PRKCE: variants seen among roughly 807,000 people sequenced by gnomAD.
The protein encoded by PRKCE is protein kinase C epsilon.
PRKCE carries 16 observed loss-of-function variants against 85.4 expected under a neutral mutation model. The ratio of observed to expected loss-of-function variants is 0.19; its 90% CI spans 0.13 to 0.28. The LOEUF is 0.28. Among genes scored for constraint, PRKCE ranks in the 10% least tolerant of loss-of-function variants. PRKCE has a pLI of 1.00. For synonymous variants in PRKCE, 388 were observed against 371.5 expected, an observed-to-expected ratio of 1.04 and a Z score of -0.51; for missense variants, 573 against 975.2, an observed-to-expected ratio of 0.59 and a Z score of 5.49.
intron 1 of PRKCE, among the ~76,000 whole-genome samples, chr2:45,754,166 G>T (rs796926338): frequency 3.6e-4 from 55 of 152,334 alleles, no homozygotes; most frequent in African/African-American, 1.3e-3. Flanking sequence ...GGTGGGGAAA[G>T]CAGGTTTGAG....
At chr2:45,880,042 T>C (rs1421429034) in intron 2 of PRKCE, among the ~76,000 whole-genome samples, 3 of 149,590 alleles carry the variant, frequency 2.0e-5, no homozygotes, top group African/African-American at 7.3e-5. Flanking sequence ...CTTCCCAGTA[T>C]CTAGCATCTT....
chr2:45,985,028 A>G (rs1157324177), intron 6 of PRKCE, among the ~76,000 whole-genome samples: 5 of 152,182 alleles, frequency 3.3e-5, no homozygotes, highest in African/African-American at 1.2e-4. Flanking sequence ...TTAGGCCATG[A>G]AGGAAGTGAG....
chr2:45,753,200 A>T (rs1208560980), intron 1 of PRKCE, among the ~76,000 whole-genome samples: 1 of 151,442 alleles, frequency 6.6e-6, no homozygotes, highest in African/African-American at 2.4e-5. Flanking sequence ...AAGCCTAGTT[A>T]AAAATGCACT....
At chr2:45,949,752 C>T (rs1700495889) in intron 2 of PRKCE, among the ~76,000 whole-genome samples, 1 of 152,060 alleles carries the variant, frequency 6.6e-6, no homozygotes, top group African/African-American at 2.4e-5. Flanking sequence ...ATTTATCGGT[C>T]CATGTTTTCC....
intron 10 of PRKCE, among the ~76,000 whole-genome samples, chr2:46,033,503 A>G (rs1381311847): frequency 1.3e-5 from 2 of 152,160 alleles, no homozygotes; most frequent in African/African-American, 4.8e-5. Context: ...ACCCCTTGAG[A>G]TACAGATTCA....
intron 1 of PRKCE, among the ~76,000 whole-genome samples, chr2:45,710,031 G>A (rs762674279): frequency 4.6e-5 from 7 of 152,138 alleles, no homozygotes; most frequent in Admixed American, 1.3e-4. Context: ...GACTGGTCTC[G>A]AACCCCTGAC....
chr2:45,722,474 C>T (rs150637076), intron 1 of PRKCE, among the ~76,000 whole-genome samples: 1 of 152,202 alleles, frequency 6.6e-6, no homozygotes, highest in African/African-American at 2.4e-5. Flanking sequence ...GCAGGAACCT[C>T]CAGAGGTTCC....
At chr2:45,861,088 G>A (rs185632876) in intron 2 of PRKCE, among the ~76,000 whole-genome samples, 1 of 152,324 alleles carries the variant, frequency 6.6e-6, no homozygotes. Flanking sequence ...TGGCTTTTCA[G>A]GAAATCAGAA....
intron 2 of PRKCE, among the ~76,000 whole-genome samples, chr2:45,896,218 T>C (rs1696130516): frequency 1.3e-5 from 2 of 152,190 alleles, no homozygotes; most frequent in African/African-American, 4.8e-5. Context: ...GGGAAGAAAT[T>C]TGAAAGGCAT....
chr2:45,831,653 G>C (rs1047137318), intron 1 of PRKCE, among the ~76,000 whole-genome samples: 1 of 152,156 alleles, frequency 6.6e-6, no homozygotes, highest in Non-Finnish European at 1.5e-5. Context: ...ATAGCAGCAA[G>C]GTAAGAGAAT....
intron 6 of PRKCE, among the ~76,000 whole-genome samples, chr2:45,986,416 G>C (rs1050821234): frequency 6.6e-6 from 1 of 152,182 alleles, no homozygotes; most frequent in African/African-American, 2.4e-5. Flanking sequence ...CAGCAGGGAA[G>C]GGGAGGCGAG....
At chr2:45,714,351 C>A (rs148567158) in intron 1 of PRKCE, among the ~76,000 whole-genome samples, 1 of 152,006 alleles carries the variant, frequency 6.6e-6, no homozygotes, top group Non-Finnish European at 1.5e-5. Context: ...TAAACAGGGA[C>A]AATGACATTG....
intron 10 of PRKCE, among the ~76,000 whole-genome samples, chr2:46,015,691 C>CAAAAAAAAAAAAAAAAAAAAA (rs749060776): frequency 1.1e-4 from 9 of 80,800 alleles, no homozygotes; most frequent in East Asian, 3.7e-4. Context: ...AACACTAAAC[C>CAAAAAAAAAAAAAAAAAAAAA]AAAAAAAAAA....
At chr2:45,836,175 G>T (rs929583176) in intron 1 of PRKCE, among the ~76,000 whole-genome samples, 2 of 152,170 alleles carry the variant, frequency 1.3e-5, no homozygotes, top group Non-Finnish European at 2.9e-5. Flanking sequence ...TCCCATGTGC[G>T]GGACAGACAG....
chr2:45,757,768 A>G (rs1033911959), intron 1 of PRKCE, among the ~76,000 whole-genome samples: 3 of 152,156 alleles, frequency 2.0e-5, no homozygotes, highest in Admixed American at 1.3e-4. Context: ...CCCATCCCCC[A>G]CATGGAATTC....
intron 1 of PRKCE, among the ~76,000 whole-genome samples, chr2:45,677,331 G>GGTTTTT (rs386645620): frequency 3.7e-5 from 4 of 108,576 alleles, no homozygotes; most frequent in African/African-American, 1.1e-4. Context: ...TTTTTTTTTT[G>GGTTTTT]TTTTTTTTTT....
chr2:45,767,449 C>G (rs1573269422), intron 1 of PRKCE, among the ~76,000 whole-genome samples: 1 of 152,214 alleles, frequency 6.6e-6, no homozygotes, highest in Non-Finnish European at 1.5e-5. Flanking sequence ...CTTCCTGCCT[C>G]TTCCTCTTGT....
chr2:45,653,775 A>T (rs546009181), intron 1 of PRKCE, among the ~76,000 whole-genome samples: 1 of 152,314 alleles, frequency 6.6e-6, no homozygotes, highest in East Asian at 1.9e-4. Flanking sequence ...AAGCTCCAAC[A>T]AGCCACATGC....
intron 1 of PRKCE, among the ~76,000 whole-genome samples, chr2:45,766,419 T>G (rs1684912911): frequency 6.6e-6 from 1 of 152,218 alleles, no homozygotes; most frequent in African/African-American, 2.4e-5. Flanking sequence ...ACTTGAGGGT[T>G]GGTTCTACTC....
Sources: gnomAD v4.1 joint callset for allele counts (sites outside exome capture counted in the v4.1 genomes callset) on GRCh38, gnomAD v4.1.1 for gene constraint, MANE v1.5 for transcripts, NCBI Gene and HGNC (gene_info 2026-07-23, HGNC 2026-07-21) for gene names.